Variants in RUFY3 observed in about 807,000 individuals in gnomAD.
The protein encoded by RUFY3 is RUN and FYVE domain containing 3.
A neutral mutation model predicts 84.0 loss-of-function variants in RUFY3; 34 were observed. The ratio of observed to expected loss-of-function variants is 0.40; its 90% CI spans 0.31 to 0.54. The LOEUF (loss-of-function observed/expected upper bound fraction) is 0.54. Ranked by LOEUF, RUFY3 falls within the 20% of genes least tolerant of loss-of-function variation. The pLI is 0.39. For missense variants in RUFY3, 507 were observed against 736.8 expected, an observed-to-expected ratio of 0.69 and a Z score of 3.61; for synonymous variants, 242 against 252.9, an observed-to-expected ratio of 0.96 and a Z score of 0.41.
rs564965211 is a variant in RUFY3, at chr4:70,778,516, G to A, written c.894+78G>A. On this transcript the variant is annotated intron_variant, in intron 8 of 17. Transcript: ENST00000381006. ...GAACCAATAATTTTAATGTAACCTT[G>A]GAAAGAAAGAACTTGACTTTTCAAA... is the stretch of plus-strand genomic sequence containing the variant. 4.7e-5 allele frequency: 35 copies of A among 747,110 alleles called. No homozygotes were observed. The African/African-American group carries it at 4.9e-4, about 10-fold the overall frequency. 46.3% of individuals were successfully genotyped at this position (747,110 alleles called of 1,614,324 possible). A position where few individuals can be genotyped will look rare whatever the true frequency, so the allele number is the denominator to read the frequency against.
chr4:70,772,006 G>T (rs61047573), intron 5 of RUFY3, among the ~76,000 whole-genome samples: 3,094 of 151,994 alleles, frequency 0.02, 118 homozygotes, highest in East Asian at 0.16. Context: ...ATGAGGAGGA[G>T]GAGGAAGAGG....
At chr4:70,723,174 C>T (rs772467268) in intron 1 of RUFY3, among the ~76,000 whole-genome samples, 21 of 152,060 alleles carry the variant, frequency 1.4e-4, no homozygotes, top group Non-Finnish European at 2.8e-4. Context: ...ACAGTAGAAA[C>T]ACCAGGGTAT....
intron 1 of RUFY3, chr4:70,741,666 G>A (rs1157957736): frequency 6.6e-6 from 10 of 1,520,498 alleles, no homozygotes; most frequent in Admixed American, 4.2e-5. Context: ...GAGCAAATGC[G>A]CGATGATACA....
intron 1 of RUFY3, among the ~76,000 whole-genome samples, chr4:70,730,880 A>G (rs896993250): frequency 4.6e-5 from 7 of 152,336 alleles, no homozygotes; most frequent in Admixed American, 6.5e-5. Context: ...AAGTCCAACA[A>G]TAGGCCTGCG....
At chr4:70,707,691 T>C (rs1202317757) in intron 1 of RUFY3, among the ~76,000 whole-genome samples, 1 of 150,948 alleles carries the variant, frequency 6.6e-6, no homozygotes, top group Non-Finnish European at 1.5e-5. Flanking sequence ...GATTAGTCAC[T>C]GAGAACATTT....
chr4:70,765,209 G>GTA (rs59630867), intron 4 of RUFY3, among the ~76,000 whole-genome samples: 22,425 of 136,910 alleles, frequency 0.16, 2,067 homozygotes, highest in Middle Eastern at 0.21. Flanking sequence ...AAAAAAATGT[G>GTA]TATATATATA....
intron 6 of RUFY3, among the ~76,000 whole-genome samples, chr4:70,774,510 G>A (rs1452680918): frequency 4.7e-5 from 7 of 147,622 alleles, no homozygotes; most frequent in African/African-American, 1.7e-4. Flanking sequence ...AGCTACTTGG[G>A]AGGCTGAGGC....
chr4:70,750,087 G>A (rs1255014998), intron 1 of RUFY3, among the ~76,000 whole-genome samples: 1 of 151,126 alleles, frequency 6.6e-6, no homozygotes, highest in Admixed American at 6.6e-5. Flanking sequence ...GTAGCTCTCT[G>A]TAACTTTGAA....
At chr4:70,800,229 T>C in intron 15 of RUFY3, 24 bp downstream of exon 15, 1 of 1,575,402 alleles carries the variant, frequency 6.3e-7, no homozygotes, top group Middle Eastern at 1.7e-4. Flanking sequence ...AAGTATTAAC[T>C]AAGATGTAAA....
chr4:70,722,043 A>G lies in RUFY3; in HGVS notation c.-531A>G. On this transcript the variant is annotated 5_prime_UTR_variant, in exon 1 of 18. Transcript: ENST00000381006. ...CTATGAGAACTCAGCATCCCAGCTC[A>G]TCTGAGCAGATCCTGGAAGTGATTT... 4.1e-6 allele frequency: 5 copies of G among 1,229,588 alleles called. No homozygotes were observed. In the South Asian group the frequency reaches 2.1e-4, roughly 51 times the overall value. 76.2% of individuals were successfully genotyped at this position (1,229,588 alleles called of 1,614,324 possible).
chr4:70,706,265 G>A (rs1458090033), intron 1 of RUFY3, among the ~76,000 whole-genome samples: 1 of 152,138 alleles, frequency 6.6e-6, no homozygotes, highest in Admixed American at 6.6e-5. Flanking sequence ...CTTGCCTGAA[G>A]CGATGAGGGA....
intron 1 of RUFY3, among the ~76,000 whole-genome samples, chr4:70,728,029 C>G (rs1451269627): frequency 6.6e-6 from 1 of 152,036 alleles, no homozygotes; most frequent in African/African-American, 2.4e-5. Context: ...AGAATGAAAT[C>G]CTGACTCATT....
chr4:70,708,693 T>A lies in RUFY3; in HGVS notation c.358+3399T>A, dbSNP rs192962255. Among the ~76,000 whole-genome samples the A allele has an allele frequency of 1.4e-4, 22 of 152,310 alleles. No individual in the cohort carries two copies. The East Asian group carries it at 4.0e-3, about 28-fold the overall frequency. On this transcript the variant is annotated intron_variant, in intron 1 of 11. Coordinates refer to the RUFY3 transcript ENST00000417478. ...TGAGTGTACTTAGAGGTTTTAAAAATTAAATTTTACATTTGAGTTCAGAAG... is the reference window on the plus strand; with the variant it reads ...TGAGTGTACTTAGAGGTTTTAAAAAATAAATTTTACATTTGAGTTCAGAAG...
At chr4:70,759,818 G>A (rs1349170150) in intron 1 of RUFY3, among the ~76,000 whole-genome samples, 1 of 152,084 alleles carries the variant, frequency 6.6e-6, no homozygotes, top group East Asian at 1.9e-4. Flanking sequence ...TCTCAATGTG[G>A]AAGGACCTGA....
chr4:70,766,275 C>T (rs1260596846), intron 4 of RUFY3, among the ~76,000 whole-genome samples: 2 of 152,112 alleles, frequency 1.3e-5, no homozygotes, highest in African/African-American at 4.8e-5. Context: ...AAGAGACTCG[C>T]GCTCTGTCAC....
At chr4:70,774,670 T>TATAA (rs766227141) in intron 6 of RUFY3, among the ~76,000 whole-genome samples, 28 of 80,992 alleles carry the variant, frequency 3.5e-4, no homozygotes, top group Middle Eastern at 8.6e-3. Flanking sequence ...TATATATATA[T>TATAA]AAAATAAACA....
intron 1 of RUFY3, among the ~76,000 whole-genome samples, chr4:70,753,845 G>A (rs932414821): frequency 2.0e-5 from 3 of 152,080 alleles, no homozygotes; most frequent in Admixed American, 6.6e-5. Context: ...AACTGAACAA[G>A]CCCAACCCTC....
At chr4:70,756,118 A>G (rs1723976936) in intron 1 of RUFY3, among the ~76,000 whole-genome samples, 1 of 152,154 alleles carries the variant, frequency 6.6e-6, no homozygotes, top group Non-Finnish European at 1.5e-5. Context: ...AACTACAAAT[A>G]GGGAAGTTAC....
At chr4:70,763,769 T>C (rs1199070380) in intron 3 of RUFY3, 100 bp downstream of exon 3, 3 of 1,403,092 alleles carry the variant, frequency 2.1e-6, no homozygotes, top group Non-Finnish European at 2.9e-6. Flanking sequence ...TAATTTATTT[T>C]ATAACAATCC....
Sources: gnomAD v4.1 joint callset for allele counts (sites outside exome capture counted in the v4.1 genomes callset) on GRCh38, gnomAD v4.1.1 for gene constraint, MANE v1.5 for transcripts, NCBI Gene and HGNC (gene_info 2026-07-23, HGNC 2026-07-21) for gene names.